Variants in KLF17 observed in about 807,000 individuals in gnomAD.
KLF17 encodes Krueppel-like factor 17.
A neutral mutation model predicts 34.2 loss-of-function variants in KLF17; 31 were observed. The observed-to-expected ratio is 0.91, with a 90% confidence interval of 0.68 to 1.22. KLF17 has a LOEUF of 1.22. Ranked by LOEUF, KLF17 falls within the 50% of genes most tolerant of loss-of-function variation. The pLI is 0.00. For synonymous variants in KLF17, 179 were observed against 186.7 expected (o/e 0.96, Z 0.34); for missense variants, 478 against 505.2 (o/e 0.95, Z 0.52).
At chr1:44,095,530 T>A in the KLF17 span, among the ~76,000 whole-genome samples, 1 of 152,180 alleles carries the variant, frequency 6.6e-6, no homozygotes, top group Admixed American at 6.5e-5. Flanking sequence ...TATCTTTTTT[T>A]TAATCCCTCA....
rs757637368 is a variant in KLF17, at chr1:44,129,633, A to C, written c.362A>C (p.Gln121Pro). The C allele has an allele frequency of 3.7e-6, 6 of 1,614,198 alleles. No individual in the cohort carries two copies. Among genetic ancestry groups the C allele is most frequent in the Non-Finnish European group, 5.1e-6 (6 of 1,180,036 alleles). ...TACTGTCAGAGAATGTCTCCCCCTC[A>C]GCAAGAGATGACGATTTTCAGTGGG... The part of the protein sequence containing the change: ...MIYCQRMSPP[Q>P]QEMTIFSGPQ... The change falls in exon 2 of 4, where the codon CAG (glutamine) becomes CCG (proline). Residue 121 changes from glutamine to proline, a missense_variant. Gln to Pro is a moderately conservative substitution (Grantham distance 76, BLOSUM62 -1). Coordinates refer to ENST00000372299, the MANE Select transcript of KLF17 (RefSeq NM_173484.4).
At chr1:44,116,638 T>A (rs1029985897), upstream of KLF17, among the ~76,000 whole-genome samples, 4 of 152,226 alleles carry the variant, frequency 2.6e-5, no homozygotes, top group African/African-American at 9.6e-5. Context: ...TTTGTCAGAG[T>A]CACCAGTGAC....
the KLF17 span, chr1:44,044,606 C>T: frequency 6.6e-6 from 1 of 152,262 alleles, no homozygotes; most frequent in Non-Finnish European, 1.5e-5. Flanking sequence ...ATGCTGTTCA[C>T]TATCCCGCAA....
chr1:44,130,592 G>A lies in KLF17; in HGVS notation c.1006G>A (p.Val336Ile), dbSNP rs761460881. ...TGATGAGCTTAGACGACATATGCGGGTACACACCAGATATCGACCATATAA... is the reference window on the plus strand; with the variant it reads ...TGATGAGCTTAGACGACATATGCGGATACACACCAGATATCGACCATATAA... Reference protein sequence around the residue: ...RSDELRRHMRVHTRYRPYKCD... With the variant: ...RSDELRRHMRIHTRYRPYKCD... The change falls in exon 3 of 4, where the codon GTA (valine) becomes ATA (isoleucine). Residue 336 changes from valine (V) to isoleucine (I), a missense_variant. Coordinates refer to ENST00000372299, the MANE Select transcript of KLF17 (RefSeq NM_173484.4). 1 of 1,614,070 alleles carries A rather than the reference G, an allele frequency of 6.2e-7. No homozygotes were observed. The highest frequency in any genetic ancestry group is 8.5e-7 in the Non-Finnish European group (1 of 1,180,010).
intron 1 of KLF17, among the ~76,000 whole-genome samples, chr1:44,128,135 G>T (rs927662452): frequency 6.6e-6 from 1 of 152,080 alleles, no homozygotes; most frequent in Non-Finnish European, 1.5e-5. Flanking sequence ...AGGCTGGAGT[G>T]CAATGGCACA....
the KLF17 span, among the ~76,000 whole-genome samples, chr1:44,102,036 C>A: frequency 6.8e-6 from 1 of 146,370 alleles, no homozygotes; most frequent in Admixed American, 6.9e-5. Flanking sequence ...TAGATTGAGA[C>A]CCTGTCTCAA....
rs186198441 is a variant in KLF17, at chr1:44,127,132, C to T, written c.82-2221C>T. On this transcript the variant is annotated intron_variant, in intron 1 of 3. Coordinates refer to ENST00000372299, the MANE Select transcript of KLF17 (RefSeq NM_173484.4). ...CTATGTTGCTCAGGCTGGTCTTGAA[C>T]TCCTGGACTCAAGAGATCCTTCCAC... Among the ~76,000 whole-genome samples the T allele has an allele frequency of 4.4e-3, 650 of 149,242 alleles. 3 individuals carry two copies. The highest frequency in any genetic ancestry group is 0.015 in the African/African-American group (625 of 40,492).
the KLF17 span, among the ~76,000 whole-genome samples, chr1:44,071,115 T>C: frequency 6.6e-6 from 1 of 152,238 alleles, no homozygotes. Context: ...AGCATCACTG[T>C]GATAAATCCA....
the KLF17 span, among the ~76,000 whole-genome samples, chr1:44,060,138 G>A: frequency 3.3e-5 from 5 of 152,154 alleles, no homozygotes; most frequent in Admixed American, 2.0e-4. Flanking sequence ...TCTCCAGGAA[G>A]CCACCTGTTC....
At chr1:44,057,096 G>A in the KLF17 span, among the ~76,000 whole-genome samples, 1 of 152,100 alleles carries the variant, frequency 6.6e-6, no homozygotes, top group Non-Finnish European at 1.5e-5. Context: ...GTGTTTGGTG[G>A]TTTACAGATG....
At position 44,122,602 on chromosome 1, in the gene KLF17, GTT is replaced by G. The variant is rs200325694; in HGVS notation, c.81+3623_81+3624del. On this transcript the variant is annotated intron_variant, in intron 1 of 3. Coordinates refer to ENST00000372299, the MANE Select transcript of KLF17 (RefSeq NM_173484.4). The stretch of plus-strand genomic sequence containing the variant: ...ACTGCAGTATGAATGGCCGTTTTTG[GTT>G]TTTTTTTTGAGATAGAGTCTCACTC... The G allele has an allele frequency of 1.5e-5, 9 of 611,054 alleles. No homozygotes were observed. In the East Asian group the frequency reaches 1.7e-4, roughly 12 times the overall value. The allele number at this position is 611,054 out of a possible 1,614,324, so 37.9% of individuals were successfully genotyped here.
At chr1:44,115,450 CAAAAAAAAAA>C (rs34620805), upstream of KLF17, 2 of 74,662 alleles carry the variant, frequency 2.7e-5, no homozygotes, top group South Asian at 1.0e-3. Flanking sequence ...GACTCTGTGT[CAAAAAAAAAA>C]AAAAAAAAAA....
At chr1:44,092,997 A>G in the KLF17 span, among the ~76,000 whole-genome samples, 1 of 152,226 alleles carries the variant, frequency 6.6e-6, no homozygotes, top group South Asian at 2.1e-4. Context: ...AGGAACAGAC[A>G]AAATGATTTC....
At chr1:44,102,427 C>T in the KLF17 span, among the ~76,000 whole-genome samples, 3 of 151,876 alleles carry the variant, frequency 2.0e-5, no homozygotes, top group Admixed American at 6.6e-5. Flanking sequence ...GTGGTGGGCA[C>T]CTGTAATCCT....
chr1:44,124,274 ATT>A (rs35585037), intron 1 of KLF17, among the ~76,000 whole-genome samples: 7 of 145,460 alleles, frequency 4.8e-5, no homozygotes, highest in Admixed American at 6.8e-5. Context: ...TTTTTGTTTG[ATT>A]TTTTTTTTTG....
chr1:44,072,174 T>G, the KLF17 span, among the ~76,000 whole-genome samples: 1 of 152,098 alleles, frequency 6.6e-6, no homozygotes. Flanking sequence ...CCAGGTTTTT[T>G]TTTTTGTTTT....
Position 44,133,933 on chromosome 1 carries a change from C to T in KLF17, c.*696C>T, listed in dbSNP as rs537266790. 1.8e-4 allele frequency: 27 copies of T among 152,426 alleles called. No individual in the cohort carries two copies. The highest frequency in any genetic ancestry group is 6.3e-4 in the African/African-American group (26 of 41,596). The allele number at this position is 152,426 out of a possible 1,614,324, so 9.4% of individuals were successfully genotyped here. On this transcript the variant is annotated 3_prime_UTR_variant, in exon 4 of 4. Coordinates refer to ENST00000372299, the MANE Select transcript of KLF17 (RefSeq NM_173484.4). ...AGTCTTGGGTACTCAAAGTGTCTTTCTACCAGGGCACCAGATCCCTTCCAT... is the reference window on the plus strand; with the variant it reads ...AGTCTTGGGTACTCAAAGTGTCTTTTTACCAGGGCACCAGATCCCTTCCAT...
the KLF17 span, among the ~76,000 whole-genome samples, chr1:44,055,268 G>A: frequency 2.9e-3 from 447 of 152,232 alleles, 1 homozygote; most frequent in Admixed American, 7.5e-3. Context: ...GGACACGGCA[G>A]GCAAAAATAC....
At chr1:44,050,541 A>G in the KLF17 span, among the ~76,000 whole-genome samples, 1 of 152,160 alleles carries the variant, frequency 6.6e-6, no homozygotes, top group Non-Finnish European at 1.5e-5. Flanking sequence ...CTGAGCTGCT[A>G]CTCTCTACAC....
Sources: gnomAD v4.1 joint callset for allele counts (sites outside exome capture counted in the v4.1 genomes callset) on GRCh38, gnomAD v4.1.1 for gene constraint, MANE v1.5 for transcripts, NCBI Gene and HGNC (gene_info 2026-07-23, HGNC 2026-07-21) for gene names.